The following KLHL32 variants were observed in gnomAD, a reference collection of about 807,000 sequenced individuals.
The protein encoded by KLHL32 is kelch-like protein 32.
Under a neutral mutation model 64.8 loss-of-function variants are expected in KLHL32, and 35 were observed. That is an observed-to-expected ratio of 0.54 (90% confidence interval 0.41 to 0.72). KLHL32 has a LOEUF of 0.72. Ranked by LOEUF, KLHL32 falls within the 30% of genes least tolerant of loss-of-function variation. The probability of loss-of-function intolerance (pLI) is 0.00; values close to 1 mark genes in which losing one functional copy is unlikely to be tolerated. For synonymous variants in KLHL32, 259 were observed against 281.0 expected (o/e 0.92, Z 0.78); for missense variants, 589 against 768.5 (o/e 0.77, Z 2.76).
At chr6:96,981,834 G>T (rs1186434114) in intron 3 of KLHL32, among the ~76,000 whole-genome samples, 1 of 152,002 alleles carries the variant, frequency 6.6e-6, no homozygotes, top group Non-Finnish European at 1.5e-5. Context: ...GGAGCAAGTT[G>T]TTTATTTCCA....
chr6:97,018,150 T>TTGA (rs201684071), intron 3 of KLHL32, among the ~76,000 whole-genome samples: 2,733 of 138,566 alleles, frequency 0.02, 31 homozygotes, highest in East Asian at 0.074. Context: ...TAATATTGAA[T>TTGA]CGAAACTTTT....
At chr6:96,946,918 A>G (rs1771990269) in intron 1 of KLHL32, among the ~76,000 whole-genome samples, 2 of 152,214 alleles carry the variant, frequency 1.3e-5, no homozygotes, top group African/African-American at 2.4e-5. Flanking sequence ...TGTGAATTGT[A>G]GAAAAATATT....
chr6:96,914,549 G>C, the KLHL32 span: 1 of 152,144 alleles, frequency 6.6e-6, no homozygotes, highest in South Asian at 2.1e-4. Flanking sequence ...CCCCAGACAA[G>C]TCACCCTTCA....
At chr6:97,129,976 G>C (rs1056846115) in intron 8 of KLHL32, among the ~76,000 whole-genome samples, 7 of 152,160 alleles carry the variant, frequency 4.6e-5, no homozygotes, top group African/African-American at 1.7e-4. Flanking sequence ...TTTGGCAAAA[G>C]ATGTGACTGT....
chr6:97,017,601 C>T (rs1057348225), intron 3 of KLHL32, among the ~76,000 whole-genome samples: 3 of 152,194 alleles, frequency 2.0e-5, no homozygotes, highest in Admixed American at 6.5e-5. Context: ...TTGTGATAGA[C>T]AAGCCAGACT....
At chr6:96,915,959 A>G in the KLHL32 span, among the ~76,000 whole-genome samples, 1 of 152,230 alleles carries the variant, frequency 6.6e-6, no homozygotes, top group Non-Finnish European at 1.5e-5. Flanking sequence ...AACCATTATC[A>G]TTAGCGACAG....
At chr6:97,068,975 T>C (rs550926155) in intron 5 of KLHL32, among the ~76,000 whole-genome samples, 1 of 152,138 alleles carries the variant, frequency 6.6e-6, no homozygotes, top group Non-Finnish European at 1.5e-5. Flanking sequence ...TGTGAGAGGC[T>C]GGGACGCAAG....
chr6:97,104,549 GT>G (rs966056771), intron 6 of KLHL32, among the ~76,000 whole-genome samples: 4 of 151,578 alleles, frequency 2.6e-5, no homozygotes, highest in African/African-American at 7.3e-5. Flanking sequence ...AATCTGTCAG[GT>G]TTTTTTTCTT....
chr6:97,109,587 G>C (rs1583056019), intron 6 of KLHL32, among the ~76,000 whole-genome samples: 1 of 152,180 alleles, frequency 6.6e-6, no homozygotes, highest in Admixed American at 6.5e-5. Context: ...GTTGAGGCTT[G>C]TGTGCTTCTC....
At chr6:96,992,825 A>G (rs1359172240) in intron 3 of KLHL32, among the ~76,000 whole-genome samples, 1 of 152,224 alleles carries the variant, frequency 6.6e-6, no homozygotes, top group Non-Finnish European at 1.5e-5. Flanking sequence ...ATATGTTTAA[A>G]TAATTTGCCC....
At chr6:97,014,656 T>C (rs1780893198) in intron 3 of KLHL32, among the ~76,000 whole-genome samples, 1 of 152,194 alleles carries the variant, frequency 6.6e-6, no homozygotes, top group Non-Finnish European at 1.5e-5. Flanking sequence ...ATGCAACAGT[T>C]CTCTGAGGCA....
intron 4 of KLHL32, among the ~76,000 whole-genome samples, chr6:97,048,257 C>T (rs544530765): frequency 7.2e-5 from 11 of 152,242 alleles, no homozygotes; most frequent in South Asian, 4.2e-4. Context: ...ATGTCATATC[C>T]GGGCTTCTGA....
chr6:97,069,400 C>CTTTTTTTTTT (rs199967868), intron 5 of KLHL32, among the ~76,000 whole-genome samples: 2 of 134,570 alleles, frequency 1.5e-5, no homozygotes, highest in African/African-American at 2.7e-5. Flanking sequence ...GATTTTGTTC[C>CTTTTTTTTTT]TTTTTTTTTT....
At chr6:97,126,066 C>T (rs1582249411) in intron 7 of KLHL32, among the ~76,000 whole-genome samples, 1 of 152,088 alleles carries the variant, frequency 6.6e-6, no homozygotes, top group African/African-American at 2.4e-5. Context: ...TGTTAAGGCC[C>T]TCTTGGTCAG....
intron 2 of KLHL32, among the ~76,000 whole-genome samples, chr6:96,973,730 C>CTCTT (rs1554208428): frequency 8.5e-6 from 1 of 118,254 alleles, no homozygotes; most frequent in African/African-American, 3.3e-5. Context: ...TACAGATTGC[C>CTCTT]TTTTTTTTTT....
intron 5 of KLHL32, among the ~76,000 whole-genome samples, chr6:97,081,660 T>C (rs937344461): frequency 2.0e-5 from 3 of 152,196 alleles, no homozygotes; most frequent in African/African-American, 4.8e-5. Context: ...GTTAGTCCTT[T>C]ATTAACTCCA....
chr6:97,005,607 G>A (rs1779573665), intron 3 of KLHL32, among the ~76,000 whole-genome samples: 1 of 152,062 alleles, frequency 6.6e-6, no homozygotes, highest in African/African-American at 2.4e-5. Context: ...ACTTTTTGAT[G>A]TGGGCATTTA....
At chr6:96,973,868 C>T (rs1355482918) in intron 2 of KLHL32, among the ~76,000 whole-genome samples, 2 of 151,654 alleles carry the variant, frequency 1.3e-5, no homozygotes, top group African/African-American at 2.4e-5. Flanking sequence ...GATTAAGGTG[C>T]GCGCCACCAT....
intron 2 of KLHL32, among the ~76,000 whole-genome samples, chr6:96,973,496 A>C (rs977986831): frequency 1.7e-4 from 26 of 152,172 alleles, no homozygotes; most frequent in African/African-American, 6.3e-4. Context: ...ATATTTTCTA[A>C]GGTTATAATG....
Sources: gnomAD v4.1 joint callset for allele counts (sites outside exome capture counted in the v4.1 genomes callset) on GRCh38, gnomAD v4.1.1 for gene constraint, MANE v1.5 for transcripts, NCBI Gene and HGNC (gene_info 2026-07-23, HGNC 2026-07-21) for gene names.